ABCC4: variants seen among roughly 807,000 people sequenced by gnomAD.
ABCC4 encodes ATP-binding cassette sub-family C member 4.
A neutral mutation model predicts 168.5 loss-of-function variants in ABCC4; 102 were observed. The observed-to-expected ratio is 0.61, with a 90% CI of 0.52 to 0.71. The LOEUF is 0.71. Ranked by LOEUF, ABCC4 falls within the 30% of genes least tolerant of loss-of-function variation. ABCC4 has a pLI of 0.00. For synonymous variants in ABCC4, 617 were observed against 590.7 expected, an observed-to-expected ratio of 1.04 and a Z score of -0.65; for missense variants, 1,402 against 1,605.8, an observed-to-expected ratio of 0.87 and a Z score of 2.17.
At chr13:95,157,513 G>A (rs1282092119) in intron 19 of ABCC4, among the ~76,000 whole-genome samples, 1 of 150,440 alleles carries the variant, frequency 6.6e-6, no homozygotes, top group East Asian at 2.0e-4. Flanking sequence ...AAGGAAGGAA[G>A]GAAGGAAGGA....
intron 30 of ABCC4, among the ~76,000 whole-genome samples, chr13:95,025,209 C>A (rs1482867519): frequency 0.011 from 672 of 60,860 alleles, 14 homozygotes; most frequent in African/African-American, 0.057. Context: ...CACCCCCACA[C>A]CCCCCACACA....
intron 25 of ABCC4, among the ~76,000 whole-genome samples, chr13:95,064,314 A>G (rs2033439349): frequency 6.8e-6 from 1 of 147,084 alleles, no homozygotes; most frequent in South Asian, 2.2e-4. Flanking sequence ...ACACACACCA[A>G]TTGAATTTCT....
At chr13:95,034,296 T>G (rs1455319987) in intron 30 of ABCC4, among the ~76,000 whole-genome samples, 1 of 152,214 alleles carries the variant, frequency 6.6e-6, no homozygotes, top group African/African-American at 2.4e-5. Context: ...CCTTTTTCTA[T>G]GAGAATCTGA....
intron 8 of ABCC4, among the ~76,000 whole-genome samples, chr13:95,196,817 T>C (rs1247637841): frequency 2.0e-4 from 30 of 152,150 alleles, no homozygotes; most frequent in Non-Finnish European, 1.3e-4. Flanking sequence ...TTTGTGATAC[T>C]GATACAATGT....
chr13:95,217,601 G>A (rs1171921098), intron 4 of ABCC4, among the ~76,000 whole-genome samples: 3 of 152,052 alleles, frequency 2.0e-5, no homozygotes, highest in Non-Finnish European at 4.4e-5. Flanking sequence ...GCATGGTGGC[G>A]CACACCCCTG....
intron 4 of ABCC4, among the ~76,000 whole-genome samples, chr13:95,229,965 G>A (rs559119106): frequency 3.9e-5 from 6 of 152,300 alleles, no homozygotes; most frequent in African/African-American, 1.2e-4. Flanking sequence ...CACATCCCCT[G>A]CTTCTGTGTC....
intron 1 of ABCC4, among the ~76,000 whole-genome samples, chr13:95,284,487 C>T (rs1013873178): frequency 1.3e-5 from 2 of 152,206 alleles, no homozygotes; most frequent in Non-Finnish European, 2.9e-5. Flanking sequence ...CCTTGCCCAG[C>T]CAACTGAGCC....
rs557374316 is a variant in ABCC4, at chr13:95,138,937, C to T, written c.2455+22252G>A. ...ACCTCCAGGGCTGCTGTAACCCCAA[C>T]CACCCATCCCCATGACAGGTCCGTG... On this transcript the variant is annotated intron_variant, in intron 19 of 30. Transcript: ENST00000645237. 6.1e-3 allele frequency among the ~76,000 whole-genome samples: 930 copies of T among 152,326 alleles called. 7 individuals carry two copies. The highest frequency in any genetic ancestry group is 0.011 in the Non-Finnish European group (749 of 68,002).
At chr13:95,053,639 T>C (rs2032931233) in intron 26 of ABCC4, 1 of 163,486 alleles carries the variant, frequency 6.1e-6, no homozygotes, top group South Asian at 1.6e-4. Context: ...CACTAAAGAA[T>C]AAATTAGGAT....
chr13:95,165,752 G>A (rs1566482292), intron 15 of ABCC4, among the ~76,000 whole-genome samples: 1 of 152,266 alleles, frequency 6.6e-6, no homozygotes, highest in East Asian at 1.9e-4. Context: ...AGGAAAAGTG[G>A]CTAATTTCAT....
intron 7 of ABCC4, 68 bp downstream of exon 7, chr13:95,207,732 T>C: frequency 1.3e-6 from 2 of 1,529,486 alleles, no homozygotes; most frequent in Non-Finnish European, 1.8e-6. Flanking sequence ...GTAAAACTTC[T>C]AAAACCATCA....
chr13:95,095,967 T>C (rs6650282), intron 20 of ABCC4: 173,836 of 393,214 alleles, frequency 0.44, 41,270 homozygotes, highest in African/African-American at 0.67. Flanking sequence ...AAATGATATT[T>C]AATTGGTCAA....
In ABCC4 at chr13:95,239,413, T is replaced by C. The variant is rs1311682122; in HGVS notation, c.307-4579A>G. Among the ~76,000 whole-genome samples, 7 of 152,336 alleles carry C rather than the reference T, an allele frequency of 4.6e-5. No homozygotes were observed. The East Asian group carries it at 1.3e-3, about 29-fold the overall frequency. ...TTCATGATATGTTTATCTTTAAATA[T>C]AAACATAAAAGGAGTTAAAGCTGCT... On this transcript the variant is annotated intron_variant, in intron 3 of 30. Coordinates refer to ENST00000645237, the MANE Select transcript of ABCC4 (RefSeq NM_005845.5).
chr13:95,240,577 G>C (rs7320125), intron 3 of ABCC4, among the ~76,000 whole-genome samples: 167 of 151,802 alleles, frequency 1.1e-3, no homozygotes, highest in African/African-American at 3.9e-3. Flanking sequence ...CATCTTCAGA[G>C]GGGGCAGTGA....
intron 20 of ABCC4, among the ~76,000 whole-genome samples, chr13:95,110,267 C>T (rs1453799483): frequency 1.3e-5 from 2 of 149,506 alleles, no homozygotes; most frequent in African/African-American, 4.9e-5. Context: ...CAAGATCGCC[C>T]CACTGCACTC....
At chr13:95,189,391 G>A (rs1594265404) in intron 9 of ABCC4, among the ~76,000 whole-genome samples, 1 of 151,968 alleles carries the variant, frequency 6.6e-6, no homozygotes, top group African/African-American at 2.4e-5. Context: ...AAAGTGCTGG[G>A]ATTACAGGCG....
At chr13:95,268,271 A>G (rs2040736855) in intron 1 of ABCC4, among the ~76,000 whole-genome samples, 1 of 152,196 alleles carries the variant, frequency 6.6e-6, no homozygotes, top group Non-Finnish European at 1.5e-5. Flanking sequence ...CTTAAAAGTC[A>G]TCACCACTCC....
In ABCC4 at chr13:95,206,786, AAG is replaced by A. The variant is rs1211772401; in HGVS notation, c.912-7_912-6del. 4 of 1,613,936 alleles carry A rather than the reference AAG, an allele frequency of 2.5e-6. No homozygotes were observed. The highest frequency in any genetic ancestry group is 3.4e-6 in the Non-Finnish European group (4 of 1,179,904). On this transcript the variant is annotated splice_polypyrimidine_tract_variant and splice_region_variant and intron_variant, in intron 7 of 30. Coordinates refer to ENST00000645237, the MANE Select transcript of ABCC4 (RefSeq NM_005845.5). ...AGAATCTTGGAAATCTCCTTCCTGAAAGAGAGTACAGGTTTTTAAAAAAGCAG... is the reference window on the plus strand; with the variant it reads ...AGAATCTTGGAAATCTCCTTCCTGAAAGAGTACAGGTTTTTAAAAAAGCAG...
intron 26 of ABCC4, among the ~76,000 whole-genome samples, chr13:95,057,912 G>A (rs997018853): frequency 4.6e-5 from 7 of 152,190 alleles, no homozygotes; most frequent in Non-Finnish European, 1.0e-4. Flanking sequence ...CTGAGGAAGA[G>A]GGGTGTATGC....
Sources: gnomAD v4.1 joint callset for allele counts (sites outside exome capture counted in the v4.1 genomes callset) on GRCh38, gnomAD v4.1.1 for gene constraint, MANE v1.5 for transcripts, NCBI Gene and HGNC (gene_info 2026-07-23, HGNC 2026-07-21) for gene names.